MYO9A: variants seen among roughly 807,000 people sequenced by gnomAD.
The protein encoded by MYO9A is myosin IXA.
MYO9A carries 103 observed loss-of-function variants against 293.3 expected under a neutral mutation model. That is an observed-to-expected ratio of 0.35 (90% CI 0.30 to 0.41). The LOEUF is 0.41. MYO9A is among the 10% of genes least tolerant of loss of function. The probability of loss-of-function intolerance (pLI) is 1.00; values close to 1 mark genes in which losing one functional copy is unlikely to be tolerated. For synonymous variants in MYO9A, 1,001 were observed against 1,035.7 expected (o/e 0.97, Z 0.64); for missense variants, 2,685 against 3,033.0 (o/e 0.89, Z 2.69).
chr15:71,970,264 T>C (rs977848286), intron 12 of MYO9A, among the ~76,000 whole-genome samples: 3 of 152,202 alleles, frequency 2.0e-5, no homozygotes, highest in Non-Finnish European at 4.4e-5. Context: ...TGATACAATA[T>C]TCCTCCTTCC....
chr15:72,101,810 G>A (rs1436983511), intron 1 of MYO9A, among the ~76,000 whole-genome samples: 1 of 146,326 alleles, frequency 6.8e-6, no homozygotes, highest in Admixed American at 6.8e-5. Flanking sequence ...CCGTCCGGGA[G>A]GGAGGTGGCG....
At chr15:71,961,586 C>G (rs1428760870) in intron 13 of MYO9A, among the ~76,000 whole-genome samples, 1 of 152,216 alleles carries the variant, frequency 6.6e-6, no homozygotes, top group East Asian at 1.9e-4. Context: ...AAAACTGAAT[C>G]AGAGAGAGGT....
chr15:71,876,425 ATTTTTTT>A (rs397854202), intron 31 of MYO9A, among the ~76,000 whole-genome samples: 13 of 61,066 alleles, frequency 2.1e-4, no homozygotes, highest in East Asian at 7.6e-4. Context: ...CCTGGCTGGT[ATTTTTTT>A]TTTTTTTTTT....
At chr15:72,109,952 T>C (rs1466466784) in intron 1 of MYO9A, among the ~76,000 whole-genome samples, 2 of 148,138 alleles carry the variant, frequency 1.4e-5, no homozygotes, top group East Asian at 4.0e-4. Flanking sequence ...TTTATAAACA[T>C]GTCCACACAG....
intron 1 of MYO9A, among the ~76,000 whole-genome samples, chr15:72,086,305 G>A (rs571824332): frequency 2.6e-5 from 4 of 152,152 alleles, no homozygotes; most frequent in African/African-American, 9.7e-5. Context: ...GCTGGTAAGG[G>A]CAAATCTGTG....
intron 3 of MYO9A, among the ~76,000 whole-genome samples, chr15:72,030,275 C>A (rs748371369): frequency 6.6e-6 from 1 of 152,118 alleles, no homozygotes; most frequent in Non-Finnish European, 1.5e-5. Context: ...AATATTACTG[C>A]CCCTATTTTA....
intron 37 of MYO9A, 98 bp from the exon 38 acceptor site, chr15:71,850,265 G>A: frequency 7.3e-7 from 1 of 1,360,662 alleles, no homozygotes; most frequent in South Asian, 1.2e-5. Flanking sequence ...AAGACAGTAT[G>A]ACATGAACTG....
At chr15:72,076,018 T>C (rs775332739) in intron 1 of MYO9A, among the ~76,000 whole-genome samples, 9 of 152,046 alleles carry the variant, frequency 5.9e-5, no homozygotes, top group Non-Finnish European at 1.2e-4. Context: ...AAACTATCTT[T>C]ATGGGCCAGG....
chr15:72,011,172 G>A (rs573712181), intron 6 of MYO9A, among the ~76,000 whole-genome samples: 64 of 151,698 alleles, frequency 4.2e-4, no homozygotes, highest in Admixed American at 1.1e-3. Flanking sequence ...TACCATGACC[G>A]GTTAGTTTTT....
intron 1 of MYO9A, among the ~76,000 whole-genome samples, chr15:72,086,065 G>A (rs1171800612): frequency 6.6e-6 from 1 of 152,164 alleles, no homozygotes; most frequent in Non-Finnish European, 1.5e-5. Context: ...TCCAGCGGGT[G>A]GTGCCAAAGA....
At chr15:71,839,469 C>T (rs1405133412) in intron 39 of MYO9A, among the ~76,000 whole-genome samples, 1 of 152,038 alleles carries the variant, frequency 6.6e-6, no homozygotes, top group Non-Finnish European at 1.5e-5. Flanking sequence ...AGTGCAGTGG[C>T]ACAATCATAG....
chr15:71,946,089 T>C (rs1230907920), intron 15 of MYO9A, among the ~76,000 whole-genome samples: 1 of 152,218 alleles, frequency 6.6e-6, no homozygotes, highest in Non-Finnish European at 1.5e-5. Flanking sequence ...ATGTATTATC[T>C]TTAATATATT....
intron 1 of MYO9A, chr15:72,117,197 A>C (rs2081017785): frequency 6.6e-6 from 1 of 152,222 alleles, no homozygotes; most frequent in African/African-American, 2.4e-5. Flanking sequence ...GCTATCTGAA[A>C]GCCGTGATGG....
At chr15:71,894,513 G>A (rs1455356556) in intron 25 of MYO9A, among the ~76,000 whole-genome samples, 2 of 152,166 alleles carry the variant, frequency 1.3e-5, no homozygotes, top group African/African-American at 4.8e-5. Flanking sequence ...GGAGGCAGAG[G>A]TTGCAGTGAG....
rs1272509101 is a variant in MYO9A, at chr15:71,831,883, A to T, written c.6838-1572T>A. Among the ~76,000 whole-genome samples, 4 of 152,302 alleles carry T rather than the reference A, an allele frequency of 2.6e-5. No homozygotes were observed. In the East Asian group the frequency reaches 7.7e-4, roughly 29 times the overall value. On this transcript the variant is annotated intron_variant, in intron 39 of 41. Coordinates refer to ENST00000356056, the MANE Select transcript of MYO9A (RefSeq NM_006901.4). ...ATTTAAAATAACCATGCTGAAGGAGACAGGAAGACATAGCTGAAGTAGTGG... is the reference window on the plus strand; with the variant it reads ...ATTTAAAATAACCATGCTGAAGGAGTCAGGAAGACATAGCTGAAGTAGTGG...
At position 72,117,811 on chromosome 15, in the gene MYO9A, G is replaced by A. The variant is rs2081055565; in HGVS notation, c.-203C>T. Reference sequence around the variant, plus strand: ...CACCGAGGGTCGGACGGTTCCGGGAGGGTGGGCCCAGCAGCCTCAGGGTCC... The same window carrying A: ...CACCGAGGGTCGGACGGTTCCGGGAAGGTGGGCCCAGCAGCCTCAGGGTCC... On this transcript the variant is annotated 5_prime_UTR_variant, in exon 1 of 42. Coordinates refer to ENST00000356056, the MANE Select transcript of MYO9A (RefSeq NM_006901.4). The A allele has an allele frequency of 5.0e-6, 2 of 398,468 alleles. No homozygotes were observed. The highest frequency in any genetic ancestry group is 8.8e-5 in the Admixed American group (2 of 22,702). The allele number at this position is 398,468 out of a possible 1,614,324, so 24.7% of individuals were successfully genotyped here. A position where few individuals can be genotyped will look rare whatever the true frequency, so the allele number is the denominator to read the frequency against.
chr15:72,068,279 T>C (rs2079079370), intron 1 of MYO9A, among the ~76,000 whole-genome samples: 2 of 152,130 alleles, frequency 1.3e-5, no homozygotes, highest in Admixed American at 6.5e-5. Flanking sequence ...TTCTGTAATA[T>C]TTATTTTACT....
intron 1 of MYO9A, among the ~76,000 whole-genome samples, chr15:72,108,170 TACATA>T (rs1567049476): frequency 6.6e-6 from 1 of 152,200 alleles, no homozygotes; most frequent in Non-Finnish European, 1.5e-5. Context: ...CAGATTATTG[TACATA>T]ACAGGAGAAA....
chr15:72,011,123 C>T (rs1175254802), intron 6 of MYO9A, among the ~76,000 whole-genome samples: 1 of 151,782 alleles, frequency 6.6e-6, no homozygotes, highest in Non-Finnish European at 1.5e-5. Context: ...GATTCTCCCA[C>T]CTCAGCCTCC....
Sources: allele counts gnomAD v4.1 joint callset (sites outside exome capture counted in the v4.1 genomes callset), GRCh38; gene constraint gnomAD v4.1.1; transcripts MANE v1.5; gene names NCBI Gene and HGNC (gene_info 2026-07-23, HGNC 2026-07-21).